Variants in AGBL4 observed in about 807,000 individuals in gnomAD.
The protein encoded by AGBL4 is cytosolic carboxypeptidase 6.
Under a neutral mutation model 66.4 loss-of-function variants are expected in AGBL4, and 58 were observed. The observed-to-expected ratio is 0.87, with a 90% CI of 0.71 to 1.09. The LOEUF (loss-of-function observed/expected upper bound fraction) is 1.09. AGBL4 is among the 50% of genes least tolerant of loss of function. AGBL4 has a pLI of 0.00. For synonymous variants in AGBL4, 234 were observed against 222.9 expected (o/e 1.05, Z -0.44); for missense variants, 579 against 631.0 (o/e 0.92, Z 0.88).
chr1:48,887,534 G>T (rs1650488503), intron 5 of AGBL4, among the ~76,000 whole-genome samples: 1 of 152,140 alleles, frequency 6.6e-6, no homozygotes, highest in Non-Finnish European at 1.5e-5. Context: ...CCCCATGGGA[G>T]AAGCATTATA....
At chr1:49,984,240 T>G (rs1380087744) in intron 1 of AGBL4, among the ~76,000 whole-genome samples, 1 of 152,200 alleles carries the variant, frequency 6.6e-6, no homozygotes, top group East Asian at 1.9e-4. Context: ...ACTAACTGAC[T>G]AACCATAACT....
At chr1:48,549,855 G>A (rs1415808758) in intron 11 of AGBL4, among the ~76,000 whole-genome samples, 2 of 151,852 alleles carry the variant, frequency 1.3e-5, no homozygotes, top group Non-Finnish European at 2.9e-5. Flanking sequence ...GACAGAAAGA[G>A]ACAAAAGAAA....
intron 6 of AGBL4, among the ~76,000 whole-genome samples, chr1:48,713,928 A>G (rs2148521754): frequency 6.6e-6 from 1 of 152,238 alleles, no homozygotes; most frequent in South Asian, 2.1e-4. Flanking sequence ...TTCCCATTTT[A>G]CAGCTGAGGA....
intron 6 of AGBL4, among the ~76,000 whole-genome samples, chr1:48,765,448 C>A (rs1644482878): frequency 6.6e-6 from 1 of 152,202 alleles, no homozygotes; most frequent in South Asian, 2.1e-4. Context: ...GATATTGGAA[C>A]TCTCATACAT....
At chr1:49,811,624 T>C (rs1645104815) in intron 2 of AGBL4, among the ~76,000 whole-genome samples, 1 of 152,138 alleles carries the variant, frequency 6.6e-6, no homozygotes, top group Non-Finnish European at 1.5e-5. Context: ...CACCATATTA[T>C]TAAAAATTTT....
intron 3 of AGBL4, among the ~76,000 whole-genome samples, chr1:49,360,824 A>T (rs539246236): frequency 1.4e-4 from 21 of 151,914 alleles, no homozygotes; most frequent in African/African-American, 3.4e-4. Context: ...TTTAATTTTT[A>T]TTTTTTTTGA....
chr1:48,624,601 C>CAGT (rs1017289598), intron 9 of AGBL4, among the ~76,000 whole-genome samples: 12 of 152,190 alleles, frequency 7.9e-5, no homozygotes, highest in African/African-American at 2.9e-4. Context: ...TTTGATCAGT[C>CAGT]AACTGCTCAA....
chr1:48,680,386 T>G (rs1164804560), intron 6 of AGBL4, among the ~76,000 whole-genome samples: 3 of 152,190 alleles, frequency 2.0e-5, no homozygotes, highest in African/African-American at 7.2e-5. Flanking sequence ...TTGTTTTCCT[T>G]TCCTGGGATG....
chr1:49,608,313 A>T (rs912026911), intron 3 of AGBL4, among the ~76,000 whole-genome samples: 4 of 152,132 alleles, frequency 2.6e-5, no homozygotes, highest in African/African-American at 9.7e-5. Context: ...CTTATTCTGA[A>T]TTTTTTGTTT....
chr1:49,714,591 T>TATATAC (rs1647934643), intron 2 of AGBL4, among the ~76,000 whole-genome samples: 1 of 135,984 alleles, frequency 7.4e-6, no homozygotes, highest in East Asian at 2.0e-4. Context: ...TATATATATA[T>TATATAC]ATACACACAC....
Position 49,449,168 on chromosome 1 carries a change from T to G in AGBL4, c.283-203304A>C, listed in dbSNP as rs563790661. ...TAGATGAGTAAACTGAGGCTCAGAT[T>G]AAGGAAATAAAATGACTAAATTTAT... On this transcript the variant is annotated intron_variant, in intron 3 of 13. Transcript: ENST00000371839. Among the ~76,000 whole-genome samples the G allele has an allele frequency of 5.3e-5, 8 of 152,120 alleles. No homozygotes were observed. In the East Asian group the frequency reaches 1.5e-3, roughly 29 times the overall value.
intron 3 of AGBL4, among the ~76,000 whole-genome samples, chr1:49,628,890 G>A (rs1362817261): frequency 1.3e-5 from 2 of 152,108 alleles, no homozygotes; most frequent in Non-Finnish European, 2.9e-5. Flanking sequence ...TGTTCCCGAG[G>A]CCTTCTTAAT....
chr1:48,920,752 T>G (rs1375156552), intron 5 of AGBL4, among the ~76,000 whole-genome samples: 2 of 152,254 alleles, frequency 1.3e-5, no homozygotes. Flanking sequence ...AAACTATCCC[T>G]CCAAGTCTCC....
chr1:49,500,811 TGATGCCACC>T (rs1224896853), intron 3 of AGBL4, among the ~76,000 whole-genome samples: 1 of 152,142 alleles, frequency 6.6e-6, no homozygotes, highest in South Asian at 2.1e-4. Context: ...TAGAATAATG[TGATGCCACC>T]AGATTTGTTC....
chr1:49,820,825 G>T (rs1308502362), intron 2 of AGBL4, among the ~76,000 whole-genome samples: 1 of 152,130 alleles, frequency 6.6e-6, no homozygotes, highest in Admixed American at 6.6e-5. Flanking sequence ...CGGTAGGCCT[G>T]GGCTGAACTC....
chr1:48,994,247 C>T (rs1241345390), intron 5 of AGBL4, among the ~76,000 whole-genome samples: 1 of 152,154 alleles, frequency 6.6e-6, no homozygotes, highest in African/African-American at 2.4e-5. Flanking sequence ...CCCTAATTGA[C>T]ATTTCTTTCT....
intron 4 of AGBL4, among the ~76,000 whole-genome samples, chr1:49,093,515 G>A (rs1041325315): frequency 6.6e-6 from 1 of 152,088 alleles, no homozygotes; most frequent in African/African-American, 2.4e-5. Context: ...GCATAAGACA[G>A]TAAATAAATG....
intron 3 of AGBL4, among the ~76,000 whole-genome samples, chr1:49,372,636 T>TTTCC (rs1644379999): frequency 7.3e-6 from 1 of 136,154 alleles, no homozygotes. Context: ...TCTTTCTTTC[T>TTTCC]TTCTTTCTTT....
At chr1:48,986,975 A>C (rs568497865) in intron 5 of AGBL4, among the ~76,000 whole-genome samples, 1 of 152,164 alleles carries the variant, frequency 6.6e-6, no homozygotes, top group Middle Eastern at 3.4e-3. Flanking sequence ...GGAAGTAGTT[A>C]ATTAGTTATT....
Sources: gnomAD v4.1 joint callset for allele counts (sites outside exome capture counted in the v4.1 genomes callset) on GRCh38, gnomAD v4.1.1 for gene constraint, MANE v1.5 for transcripts, NCBI Gene and HGNC (gene_info 2026-07-23, HGNC 2026-07-21) for gene names.